Variants in VWA5B1 observed in about 807,000 individuals in gnomAD.
VWA5B1 encodes the protein von Willebrand factor A domain containing 5B1.
Under a neutral mutation model 118.2 loss-of-function variants are expected in VWA5B1, and 115 were observed. That is an observed-to-expected ratio of 0.97 (90% confidence interval 0.84 to 1.14). The LOEUF is 1.14. Among genes scored for constraint, VWA5B1 ranks in the 50% most tolerant of loss-of-function variants. VWA5B1 has a pLI of 0.00. For synonymous variants in VWA5B1, 682 were observed against 658.4 expected (o/e 1.04, Z -0.55); for missense variants, 1,596 against 1,603.8 (o/e 1.00, Z 0.08).
intron 1 of VWA5B1, among the ~76,000 whole-genome samples, chr1:20,297,325 C>T (rs895782897): frequency 1.1e-4 from 17 of 152,332 alleles, no homozygotes; most frequent in East Asian, 1.9e-4. Flanking sequence ...AACGGAGGCT[C>T]CTTGGGGGCA....
At position 20,354,002 on chromosome 1, in the gene VWA5B1, G is replaced by A. The variant is rs1419807697; in HGVS notation, c.3387G>A (p.Pro1129=). 16 of 1,551,604 alleles carry A rather than the reference G, an allele frequency of 1.0e-5. No individual in the cohort carries two copies. The highest frequency in any genetic ancestry group is 9.5e-5 in the South Asian group (8 of 84,060). Reference sequence around the variant, plus strand: ...CCAAGGGCAAGCTGGGCCTGGAGCCGAGGGCAGTGGTGGAGCACACTGGGA... The same window carrying A: ...CCAAGGGCAAGCTGGGCCTGGAGCCAAGGGCAGTGGTGGAGCACACTGGGA... The part of the protein sequence containing the change: ...PLAKGKLGLE[P]RAVVEHTGKL... Residue 1129 remains proline (P), a synonymous_variant, in exon 22 of 22, where the codon CCG becomes CCA. Coordinates refer to ENST00000289815, the MANE Select transcript of VWA5B1 (RefSeq NM_001039500.3).
intron 16 of VWA5B1, 54 bp downstream of exon 16, chr1:20,343,447 C>G: frequency 1.4e-6 from 2 of 1,457,580 alleles, no homozygotes; most frequent in South Asian, 2.8e-5. Flanking sequence ...AGGACAGCCC[C>G]GCTCCACAGC....
intron 1 of VWA5B1, among the ~76,000 whole-genome samples, chr1:20,300,665 T>TAGGCGGGCAGGA (rs2088486670): frequency 6.6e-6 from 1 of 152,128 alleles, no homozygotes; most frequent in African/African-American, 2.4e-5. Flanking sequence ...GTCCTGAGGG[T>TAGGCGGGCAGGA]TACTAGAACT....
chr1:20,310,851 G>A (rs1228709226), intron 2 of VWA5B1, 111 bp downstream of exon 2: 12 of 1,359,240 alleles, frequency 8.8e-6, no homozygotes, highest in Non-Finnish European at 1.2e-5. Context: ...ACCCCTCCGA[G>A]TCTGTTTCCT....
At chr1:20,334,010 G>C (rs1185791928) in intron 12 of VWA5B1, among the ~76,000 whole-genome samples, 1 of 152,232 alleles carries the variant, frequency 6.6e-6, no homozygotes, top group African/African-American at 2.4e-5. Context: ...AAAGGCAATA[G>C]GGAGCGGTGA....
chr1:20,309,106 A>T (rs928147275), intron 1 of VWA5B1, among the ~76,000 whole-genome samples: 2 of 152,090 alleles, frequency 1.3e-5, no homozygotes, highest in Non-Finnish European at 2.9e-5. Flanking sequence ...GGTCCTGAGA[A>T]GTGCTATGGA....
chr1:20,292,162 T>C (rs1166808137), intron 1 of VWA5B1, among the ~76,000 whole-genome samples: 1 of 151,986 alleles, frequency 6.6e-6, no homozygotes, highest in African/African-American at 2.4e-5. Context: ...CTCTCTCTCT[T>C]TCTTTCCTCC....
chr1:20,341,945 T>C (rs1269136604), intron 14 of VWA5B1, among the ~76,000 whole-genome samples: 1 of 152,142 alleles, frequency 6.6e-6, no homozygotes, highest in African/African-American at 2.4e-5. Flanking sequence ...TCCTTTCTCC[T>C]TACTCCAAAA....
At chr1:20,304,605 G>T (rs2088593574) in intron 1 of VWA5B1, among the ~76,000 whole-genome samples, 1 of 151,028 alleles carries the variant, frequency 6.6e-6, no homozygotes, top group African/African-American at 2.4e-5. Context: ...TGACAGAGGG[G>T]ACCAGAAGGG....
At chr1:20,295,780 G>A (rs72647028) in intron 1 of VWA5B1, among the ~76,000 whole-genome samples, 11,520 of 152,156 alleles carry the variant, frequency 0.076, 468 homozygotes, top group African/African-American at 0.088. Flanking sequence ...TACCTGGTTC[G>A]CCGTAGTGTC....
At chr1:20,327,849 ACTC>A in intron 8 of VWA5B1, 38 bp from the exon 9 acceptor site, 4 of 1,511,330 alleles carry the variant, frequency 2.6e-6, no homozygotes, top group Non-Finnish European at 3.6e-6. Flanking sequence ...AGTGACAAGA[ACTC>A]CTTCCTGAAT....
intron 12 of VWA5B1, among the ~76,000 whole-genome samples, chr1:20,335,135 C>A (rs1403025737): frequency 6.6e-6 from 1 of 152,082 alleles, no homozygotes; most frequent in African/African-American, 2.4e-5. Context: ...CTAGTGAGAC[C>A]ACTTCTCTAC....
rs1326419266 is a variant in VWA5B1 at position 20,330,983 on chromosome 1, G to A, written c.1572G>A (p.Lys524=). ...TGGAGGGGGAGCGGCTGCAACCCAA[G>A]GTAGGCAGCAGAACCCACGCAGTCC... is the stretch of plus-strand genomic sequence containing the variant. ...LLMEGERLQP[K]MVKSLKKAMA... Residue 524 remains lysine, a splice_region_variant and synonymous_variant, in exon 11 of 22, where the codon AAG becomes AAA. Transcript: ENST00000289815. 6.5e-7 allele frequency: 1 copy of A among 1,545,138 alleles called. No homozygotes were observed. The highest frequency in any genetic ancestry group is 2.0e-5 in the Admixed American group (1 of 50,326).
At position 20,316,123 on chromosome 1, in the gene VWA5B1, C is replaced by T. The variant is rs72982053; in HGVS notation, c.564-1407C>T. Among the ~76,000 whole-genome samples the T allele has an allele frequency of 3.3e-3, 503 of 152,288 alleles. 6 individuals are homozygous for T. The highest frequency in any genetic ancestry group is 0.011 in the African/African-American group (476 of 41,552). On this transcript the variant is annotated intron_variant, in intron 4 of 21. Coordinates refer to ENST00000289815, the MANE Select transcript of VWA5B1 (RefSeq NM_001039500.3). ...AGATAGAGTGACACAAGACAAAATT[C>T]AAAAACCAGATGATGCCAAGTATTA...
In VWA5B1 at chr1:20,308,930, G is replaced by A. The variant is rs147391193; in HGVS notation, c.-26-1646G>A. ...GGCAGCAGGCTACCAGCCCAGGGAA[G>A]CTTTGCCTGGCACCTACCCCGCAGA... On this transcript the variant is annotated intron_variant, in intron 1 of 21. Coordinates refer to ENST00000289815, the MANE Select transcript of VWA5B1 (RefSeq NM_001039500.3). Among the ~76,000 whole-genome samples, 42 of 152,292 alleles carry A rather than the reference G, an allele frequency of 2.8e-4. 1 individual carries two copies. Among genetic ancestry groups the A allele is most frequent in the East Asian group, 2.3e-3 (12 of 5,178 alleles).
chr1:20,323,493 G>C lies in VWA5B1; in HGVS notation c.1104G>C (p.Arg368Ser), dbSNP rs531638239. 35 of 1,523,958 alleles carry C rather than the reference G, an allele frequency of 2.3e-5. No individual in the cohort carries two copies. The East Asian group carries it at 6.3e-4, about 27-fold the overall frequency. 94.4% of individuals were successfully genotyped at this position (1,523,958 alleles called of 1,614,324 possible). The change falls in exon 8 of 22, where the codon AGG becomes AGC. Residue 368 changes from arginine to serine, a missense_variant. Coordinates refer to ENST00000289815, the MANE Select transcript of VWA5B1 (RefSeq NM_001039500.3). Reference sequence around the variant, plus strand: ...GGGAGTTCATCTTCCTCATTGACAGGAGCAGCAGCATGAGCGGGATCAGCA... The same window carrying C: ...GGGAGTTCATCTTCCTCATTGACAGCAGCAGCAGCATGAGCGGGATCAGCA... ...AHGEFIFLID[R>S]SSSMSGISMH...
Position 20,336,302 on chromosome 1 carries a change from G to A in VWA5B1, c.1759-1G>A. 6.9e-7 allele frequency: 1 copy of A among 1,444,246 alleles called. No homozygotes were observed. The highest frequency in any genetic ancestry group is 9.2e-7 in the Non-Finnish European group (1 of 1,088,222). The allele number at this position is 1,444,246 out of a possible 1,614,324, so 89.5% of individuals were successfully genotyped here. On this transcript the variant is annotated splice_acceptor_variant, in intron 12 of 21. Coordinates refer to ENST00000289815, the MANE Select transcript of VWA5B1 (RefSeq NM_001039500.3). LOFTEE classifies it high-confidence loss of function. ...GCCCTCTTTTCTGTTTCTCCCTACA[G>A]GACAAGAGGCGCCGGTACAGCATGC...
intron 5 of VWA5B1, among the ~76,000 whole-genome samples, chr1:20,318,068 C>T (rs894569779): frequency 6.7e-6 from 1 of 149,256 alleles, no homozygotes. Context: ...GGGGTGAGTT[C>T]CAGGCATGGA....
chr1:20,330,076 T>C, intron 9 of VWA5B1, 104 bp from the exon 10 acceptor site: 1 of 1,323,764 alleles, frequency 7.6e-7, no homozygotes, highest in African/African-American at 1.5e-5. Flanking sequence ...GGGTCAACTC[T>C]GGTGAGGCTA....
Sources: allele counts gnomAD v4.1 joint callset (sites outside exome capture counted in the v4.1 genomes callset), GRCh38; gene constraint gnomAD v4.1.1; transcripts MANE v1.5; gene names NCBI Gene and HGNC (gene_info 2026-07-23, HGNC 2026-07-21).